The following ST8SIA4 variants were observed in gnomAD, a reference collection of about 807,000 sequenced individuals.
The protein encoded by ST8SIA4 is CMP-N-acetylneuraminate-poly-alpha-2,8-sialyltransferase.
A neutral mutation model predicts 33.9 loss-of-function variants in ST8SIA4; 15 were observed. The ratio of observed to expected loss-of-function variants is 0.44; its 90% CI spans 0.30 to 0.68. The LOEUF is 0.68. Ranked by LOEUF, ST8SIA4 falls within the 30% of genes least tolerant of loss-of-function variation. The pLI, the probability that ST8SIA4 is intolerant of heterozygous loss-of-function variation, is 0.10. For synonymous variants in ST8SIA4, 171 were observed against 151.2 expected (o/e 1.13, Z -0.96); for missense variants, 321 against 428.0 (o/e 0.75, Z 2.21).
At chr5:100,871,449 A>AT (rs772394570) in intron 3 of ST8SIA4, among the ~76,000 whole-genome samples, 3 of 151,986 alleles carry the variant, frequency 2.0e-5, no homozygotes, top group Non-Finnish European at 2.9e-5. Flanking sequence ...TTTATATCTA[A>AT]TTTTACATAC....
rs187283102 is a variant in ST8SIA4 at position 100,856,550 on chromosome 5, A to G, written c.504-154T>C. ...TCTACTTGGTAAGATTACATTTTCA[A>G]TAAGTCTCCGCACGTGCAGGAATAC... On this transcript the variant is annotated intron_variant, in intron 3 of 4. Coordinates refer to ENST00000231461, the MANE Select transcript of ST8SIA4 (RefSeq NM_005668.6). Among the ~76,000 whole-genome samples, 45 of 152,334 alleles carry G rather than the reference A, an allele frequency of 3.0e-4. 1 individual carries two copies. Among genetic ancestry groups the G allele is most frequent in the Non-Finnish European group, 4.7e-4 (32 of 68,004 alleles).
chr5:100,886,474 T>C lies in ST8SIA4; in HGVS notation c.372A>G (p.Leu124=), dbSNP rs1463977191. 5.0e-6 allele frequency: 8 copies of C among 1,613,968 alleles called. No individual in the cohort carries two copies. The East Asian group carries it at 1.3e-4, about 27-fold the overall frequency. Residue 124 remains leucine (L), a synonymous_variant, in exon 3 of 5, where the codon CTA becomes CTG. Coordinates refer to ENST00000231461, the MANE Select transcript of ST8SIA4 (RefSeq NM_005668.6). The part of the protein sequence containing the change: ...RRRTLNISHD[L]HSLLPEVSPM... The stretch of plus-strand genomic sequence containing the variant: ...GTGAAACTTCAGGTAGGAGGCTATG[T>C]AGATCATGAGAAATGTTTAGTGTCC...
intron 3 of ST8SIA4, among the ~76,000 whole-genome samples, chr5:100,875,718 G>GT: frequency 6.6e-6 from 1 of 152,224 alleles, no homozygotes; most frequent in East Asian, 1.9e-4. Flanking sequence ...ATAAAATAAT[G>GT]TAACAAGTGT....
chr5:100,819,082 A>G (rs1249537039), intron 4 of ST8SIA4, among the ~76,000 whole-genome samples: 1 of 152,186 alleles, frequency 6.6e-6, no homozygotes, highest in African/African-American at 2.4e-5. Flanking sequence ...ATAGTTTCAA[A>G]CCACTTTCAC....
intron 4 of ST8SIA4, among the ~76,000 whole-genome samples, chr5:100,816,289 T>A (rs527660334): frequency 1.3e-5 from 2 of 152,294 alleles, no homozygotes; most frequent in Non-Finnish European, 2.9e-5. Context: ...TTAGATTTTA[T>A]CTCATAATAA....
At chr5:100,877,994 T>A (rs1320247262) in intron 3 of ST8SIA4, among the ~76,000 whole-genome samples, 1 of 152,170 alleles carries the variant, frequency 6.6e-6, no homozygotes, top group African/African-American at 2.4e-5. Flanking sequence ...TTGAAAAGGA[T>A]CTAACTTATA....
intron 4 of ST8SIA4, among the ~76,000 whole-genome samples, chr5:100,850,823 T>G (rs1262266110): frequency 6.6e-6 from 1 of 151,620 alleles, no homozygotes; most frequent in Non-Finnish European, 1.5e-5. Flanking sequence ...TATATATGTA[T>G]AAACAGACAA....
At chr5:100,886,660 T>C in intron 2 of ST8SIA4, 60 bp from the exon 3 acceptor site, 1 of 1,370,342 alleles carries the variant, frequency 7.3e-7, no homozygotes, top group Non-Finnish European at 1.0e-6. Flanking sequence ...GAACTGATGG[T>C]GTCATTTACA....
intron 3 of ST8SIA4, among the ~76,000 whole-genome samples, chr5:100,876,218 A>T (rs1026849957): frequency 1.3e-5 from 2 of 152,058 alleles, no homozygotes; most frequent in African/African-American, 4.8e-5. Context: ...ACAGAATCTC[A>T]TAGGGGAAAA....
intron 3 of ST8SIA4, among the ~76,000 whole-genome samples, chr5:100,869,752 A>C (rs1196130161): frequency 6.6e-6 from 1 of 152,174 alleles, no homozygotes; most frequent in African/African-American, 2.4e-5. Flanking sequence ...TGATGTCATG[A>C]TCCTTCATCA....
intron 3 of ST8SIA4, among the ~76,000 whole-genome samples, chr5:100,881,748 T>C (rs917455802): frequency 3.3e-5 from 5 of 152,164 alleles, no homozygotes; most frequent in African/African-American, 1.2e-4. Flanking sequence ...ATTTGAATCA[T>C]GGGGGTGGTT....
intron 3 of ST8SIA4, among the ~76,000 whole-genome samples, chr5:100,882,983 C>T (rs1355819564): frequency 6.6e-6 from 1 of 152,186 alleles, no homozygotes; most frequent in Admixed American, 6.5e-5. Flanking sequence ...GAGGTTGGAG[C>T]CCCCCACCCC....
intron 3 of ST8SIA4, among the ~76,000 whole-genome samples, chr5:100,874,798 G>A (rs1353446345): frequency 6.6e-6 from 1 of 151,858 alleles, no homozygotes; most frequent in African/African-American, 2.4e-5. Flanking sequence ...TGCCCAGGCT[G>A]GTCTCAAACT....
chr5:100,864,927 G>C (rs1752030984), intron 3 of ST8SIA4, among the ~76,000 whole-genome samples: 2 of 152,094 alleles, frequency 1.3e-5, no homozygotes, highest in Middle Eastern at 3.4e-3. Flanking sequence ...TATTTCCTTT[G>C]TTTCTGTTCT....
At chr5:100,843,540 C>T (rs1362056409) in intron 4 of ST8SIA4, among the ~76,000 whole-genome samples, 1 of 151,798 alleles carries the variant, frequency 6.6e-6, no homozygotes, top group African/African-American at 2.4e-5. Context: ...AAAACTTAAC[C>T]AGAGGATATA....
In ST8SIA4 at chr5:100,887,607, G is replaced by A. The variant is rs73162270; in HGVS notation, c.246-1007C>T. On this transcript the variant is annotated intron_variant, in intron 2 of 4. Coordinates refer to ENST00000231461, the MANE Select transcript of ST8SIA4 (RefSeq NM_005668.6). ...GCATATGCTAAGTAGGTAGATGATG[G>A]AAAATGATTATAATATATATATATA... Among the ~76,000 whole-genome samples, 602 of 152,052 alleles carry A rather than the reference G, an allele frequency of 4.0e-3. 5 individuals carry two copies. Among genetic ancestry groups the A allele is most frequent in the African/African-American group, 0.014 (578 of 41,514 alleles).
At chr5:100,813,635 A>G (rs1194051560) in intron 4 of ST8SIA4, among the ~76,000 whole-genome samples, 1 of 152,086 alleles carries the variant, frequency 6.6e-6, no homozygotes, top group African/African-American at 2.4e-5. Context: ...CAAGGAGCAT[A>G]GTCAAACTTC....
chr5:100,891,152 A>G (rs1000646550), intron 2 of ST8SIA4, among the ~76,000 whole-genome samples: 3 of 152,026 alleles, frequency 2.0e-5, no homozygotes, highest in African/African-American at 7.2e-5. Context: ...TCTAAATGAC[A>G]TTGTTAACTC....
chr5:100,877,771 T>C (rs181631005), intron 3 of ST8SIA4, among the ~76,000 whole-genome samples: 145 of 152,272 alleles, frequency 9.5e-4, no homozygotes, highest in African/African-American at 3.2e-3. Flanking sequence ...AAAATTATTA[T>C]CAAAATTGTC....
Sources: allele counts gnomAD v4.1 joint callset (sites outside exome capture counted in the v4.1 genomes callset), GRCh38; gene constraint gnomAD v4.1.1; transcripts MANE v1.5; gene names NCBI Gene and HGNC (gene_info 2026-07-23, HGNC 2026-07-21).